Variants in SPATA13 observed in about 807,000 individuals in gnomAD.
The protein encoded by SPATA13 is spermatogenesis-associated protein 13.
A neutral mutation model predicts 104.0 loss-of-function variants in SPATA13; 50 were observed. The ratio of observed to expected loss-of-function variants is 0.48; its 90% CI spans 0.38 to 0.61. The LOEUF (loss-of-function observed/expected upper bound fraction) is 0.61. Among genes scored for constraint, SPATA13 ranks in the 20% least tolerant of loss-of-function variants. SPATA13 has a pLI of 0.00. For missense variants in SPATA13, 1,524 were observed against 1,690.6 expected (o/e 0.90, Z 1.73); for synonymous variants, 606 against 667.5 (o/e 0.91, Z 1.42).
At chr13:24,065,785 C>T (rs570170305) in intron 3 of SPATA13, among the ~76,000 whole-genome samples, 14 of 152,278 alleles carry the variant, frequency 9.2e-5, no homozygotes, top group African/African-American at 3.1e-4. Flanking sequence ...ATAGTTCTTT[C>T]GACAATGCTG....
intron 1 of SPATA13, among the ~76,000 whole-genome samples, chr13:24,188,783 A>T (rs1450490379): frequency 6.6e-6 from 1 of 152,176 alleles, no homozygotes; most frequent in Non-Finnish European, 1.5e-5. Flanking sequence ...GCTAGAGAGG[A>T]GAAGTCAGTG....
chr13:24,207,483 G>T (rs1206882082), intron 1 of SPATA13, among the ~76,000 whole-genome samples: 1 of 152,164 alleles, frequency 6.6e-6, no homozygotes, highest in Non-Finnish European at 1.5e-5. Context: ...TTCTGTGTTT[G>T]AGTTTTTGGG....
chr13:24,147,959 G>A (rs916629417), intron 3 of SPATA13, among the ~76,000 whole-genome samples: 2 of 152,142 alleles, frequency 1.3e-5, no homozygotes. Context: ...ATATTCTATT[G>A]TATGTATACA....
intron 2 of SPATA13, among the ~76,000 whole-genome samples, chr13:24,248,170 GGGTCT>G (rs2138657904): frequency 6.6e-6 from 1 of 152,318 alleles, no homozygotes; most frequent in South Asian, 2.1e-4. Flanking sequence ...AGGCTTTGAG[GGGTCT>G]GCTCAGACAA....
At chr13:24,206,453 C>T (rs1008858827) in intron 1 of SPATA13, among the ~76,000 whole-genome samples, 8 of 152,178 alleles carry the variant, frequency 5.3e-5, no homozygotes, top group African/African-American at 1.9e-4. Context: ...AATGCTTTTA[C>T]ACTGTTGGTG....
At chr13:24,122,733 T>C (rs1356682419) in intron 3 of SPATA13, 3 of 870,624 alleles carry the variant, frequency 3.4e-6, no homozygotes, top group Non-Finnish European at 6.0e-6. Flanking sequence ...ATCTGTAAAG[T>C]AATCAAAGCC....
intron 4 of SPATA13, among the ~76,000 whole-genome samples, chr13:24,269,968 T>A (rs1874490155): frequency 6.6e-6 from 1 of 151,822 alleles, no homozygotes. Flanking sequence ...GCAATCCTCC[T>A]GCGTCATCCT....
chr13:24,123,420 T>C, intron 3 of SPATA13: 1 of 1,368,282 alleles, frequency 7.3e-7, no homozygotes, highest in Non-Finnish European at 1.0e-6. Context: ...GGGGAGTACA[T>C]GATTCTGCAA....
intron 1 of SPATA13, among the ~76,000 whole-genome samples, chr13:24,217,217 A>T (rs1566155323): frequency 6.6e-6 from 1 of 152,224 alleles, no homozygotes; most frequent in Non-Finnish European, 1.5e-5. Context: ...ACATAGCAAG[A>T]TTGAGTCTCT....
At position 24,076,930 on chromosome 13, in the gene SPATA13, C is replaced by T. The variant is rs534513499; in HGVS notation, c.-112+59229C>T. ...CAGTCATTGCAGCAGATCGGCTCTT[C>T]AACCTCGCCTTATTCCTAAGACAGG... On this transcript the variant is annotated intron_variant, in intron 3 of 14. Coordinates refer to the SPATA13 transcript ENST00000424834. Among the ~76,000 whole-genome samples the T allele has an allele frequency of 3.3e-5, 5 of 152,146 alleles. No homozygotes were observed. The East Asian group carries it at 9.7e-4, about 30-fold the overall frequency.
At chr13:24,072,825 C>CTTTTTTTTTT (rs11353469) in intron 3 of SPATA13, among the ~76,000 whole-genome samples, 2,715 of 120,438 alleles carry the variant, frequency 0.023, 137 homozygotes, top group Middle Eastern at 0.031. Context: ...CTGTTGGCTC[C>CTTTTTTTTTT]TTTTTTTTTT....
At chr13:24,019,298 C>A (rs1004236783) in intron 3 of SPATA13, among the ~76,000 whole-genome samples, 1 of 151,708 alleles carries the variant, frequency 6.6e-6, no homozygotes, top group Non-Finnish European at 1.5e-5. Context: ...CCGTTTTAGC[C>A]GGGATGGTCT....
At chr13:24,123,050 A>G in intron 3 of SPATA13, 1 of 955,924 alleles carries the variant, frequency 1.0e-6, no homozygotes. Context: ...TCATTGCCAA[A>G]TGTTGTGTCA....
chr13:24,203,413 A>T (rs1177094985), intron 1 of SPATA13, among the ~76,000 whole-genome samples: 3 of 152,296 alleles, frequency 2.0e-5, no homozygotes, highest in South Asian at 2.1e-4. Context: ...CCTGTGTCTG[A>T]GCCCCTAAGA....
At chr13:24,302,533 T>C in intron 12 of SPATA13, 65 bp from the exon 13 acceptor site, 1 of 1,287,180 alleles carries the variant, frequency 7.8e-7, no homozygotes, top group Non-Finnish European at 1.1e-6. Context: ...CATTTTTATT[T>C]TTTTCCTTTC....
chr13:24,195,204 A>G (rs1337839987), intron 1 of SPATA13, among the ~76,000 whole-genome samples: 1 of 152,078 alleles, frequency 6.6e-6, no homozygotes, highest in Non-Finnish European at 1.5e-5. Context: ...GAATTATACA[A>G]TATGTGGCCT....
rs548405842 is a variant in SPATA13 at position 24,286,829 on chromosome 13, A to C, written c.2546A>C (p.Glu849Ala). Reference sequence around the variant, plus strand: ...AGCACCCCCAGTGAGGAGCAGGACGAGGAGGCCAGCCAGAGCCGCCACAGA... The same window carrying C: ...AGCACCCCCAGTGAGGAGCAGGACGCGGAGGCCAGCCAGAGCCGCCACAGA... ...SSSTPSEEQD[E>A]EASQSRHRHC... The change falls in exon 7 of 13, where the codon GAG becomes GCG. Residue 849 changes from glutamate (E) to alanine (A), a missense_variant. Coordinates refer to ENST00000382108, the MANE Select transcript of SPATA13 (RefSeq NM_001166271.3). The surrounding 1 kb of genome is among the most constrained non-coding windows in gnomAD (Gnocchi z 4.9). The C allele has an allele frequency of 1.2e-6, 2 of 1,613,702 alleles. No homozygotes were observed. Among genetic ancestry groups the C allele is most frequent in the Non-Finnish European group, 1.7e-6 (2 of 1,180,018 alleles).
intron 3 of SPATA13, among the ~76,000 whole-genome samples, chr13:24,073,066 A>G (rs1262146297): frequency 6.6e-6 from 1 of 152,056 alleles, no homozygotes; most frequent in Admixed American, 6.6e-5. Flanking sequence ...TATTTTGATA[A>G]TGTCCAGTTT....
chr13:24,057,314 G>A (rs9551046), intron 3 of SPATA13, among the ~76,000 whole-genome samples: 22,658 of 151,000 alleles, frequency 0.15, 1,984 homozygotes, highest in East Asian at 0.33. Context: ...GGCCTGTGGC[G>A]CTTTGCACTC....
Sources: gnomAD v4.1 joint callset for allele counts (sites outside exome capture counted in the v4.1 genomes callset) on GRCh38, gnomAD v4.1.1 for gene constraint, Gnocchi (gnomAD v3.1) non-coding constraint, MANE v1.5 for transcripts, NCBI Gene and HGNC (gene_info 2026-07-23, HGNC 2026-07-21) for gene names.